The following HTR1F variants were observed in gnomAD, a reference collection of about 807,000 sequenced individuals.
HTR1F encodes 5-hydroxytryptamine receptor 1F.
Under a neutral mutation model 24.0 loss-of-function variants are expected in HTR1F, and 17 were observed. The observed-to-expected ratio is 0.71, with a 90% confidence interval of 0.48 to 1.06. The LOEUF is 1.06. Among genes scored for constraint, HTR1F ranks in the 50% least tolerant of loss-of-function variants. HTR1F has a pLI of 0.00. For synonymous variants in HTR1F, 186 were observed against 156.8 expected (o/e 1.19, Z -1.39); for missense variants, 391 against 427.8 (o/e 0.91, Z 0.76).
At chr3:87,853,503 CTATTGTTAA>C (rs1383127076) in intron 2 of HTR1F, among the ~76,000 whole-genome samples, 1 of 152,066 alleles carries the variant, frequency 6.6e-6, no homozygotes, top group Non-Finnish European at 1.5e-5. Context: ...CATGTCATTG[CTATTGTTAA>C]TAGTGCTGCA....
chr3:87,822,629 T>G (rs1461166074), intron 2 of HTR1F, among the ~76,000 whole-genome samples: 1 of 152,176 alleles, frequency 6.6e-6, no homozygotes, highest in Non-Finnish European at 1.5e-5. Flanking sequence ...GTTTCAGAGT[T>G]TATTTGAGGC....
intron 2 of HTR1F, among the ~76,000 whole-genome samples, chr3:87,844,062 C>T (rs1295741621): frequency 6.7e-6 from 1 of 148,816 alleles, no homozygotes; most frequent in Admixed American, 6.7e-5. Context: ...ATGGCTGGGT[C>T]AAATGGTATT....
At chr3:87,851,511 T>C (rs1403290663) in intron 2 of HTR1F, among the ~76,000 whole-genome samples, 2 of 151,862 alleles carry the variant, frequency 1.3e-5, no homozygotes, top group East Asian at 3.9e-4. Flanking sequence ...TGAAAATATA[T>C]TTATATGCAT....
At chr3:87,884,188 C>T (rs1705880368) in intron 2 of HTR1F, among the ~76,000 whole-genome samples, 1 of 152,134 alleles carries the variant, frequency 6.6e-6, no homozygotes, top group Non-Finnish European at 1.5e-5. Flanking sequence ...GGGGCCAATA[C>T]TCAACATTCT....
chr3:87,920,770 G>C (rs1013865581), intron 2 of HTR1F, among the ~76,000 whole-genome samples: 1 of 151,904 alleles, frequency 6.6e-6, no homozygotes, highest in African/African-American at 2.4e-5. Context: ...AAGAACTATT[G>C]AGTACTAGGC....
At chr3:87,846,574 G>A (rs1196279524) in intron 2 of HTR1F, among the ~76,000 whole-genome samples, 4 of 151,978 alleles carry the variant, frequency 2.6e-5, no homozygotes, top group Non-Finnish European at 5.9e-5. Flanking sequence ...CAGCTAGATA[G>A]CAACATAGTC....
chr3:87,845,454 G>T (rs1704919175), intron 2 of HTR1F, among the ~76,000 whole-genome samples: 1 of 148,872 alleles, frequency 6.7e-6, no homozygotes, highest in Non-Finnish European at 1.5e-5. Flanking sequence ...CAAACAGAGA[G>T]CCAAATCATG....
chr3:87,917,102 T>C (rs1465075823), intron 2 of HTR1F, among the ~76,000 whole-genome samples: 1 of 151,984 alleles, frequency 6.6e-6, no homozygotes, highest in Non-Finnish European at 1.5e-5. Context: ...AATAACCTAC[T>C]CCTTAATGAT....
rs199842041 is a variant in HTR1F, at chr3:87,846,110, T to TA, written c.-43+23993dup. On this transcript the variant is annotated intron_variant, in intron 2 of 2. Transcript: ENST00000319595. ...GTAGGGAAGAGAGTAAACAGATAAT[T>TA]AAAAAAACACATAGTTATATAAAAC... is the stretch of plus-strand genomic sequence containing the variant. Among the ~76,000 whole-genome samples the TA allele has an allele frequency of 9.8e-3, 1,479 of 151,618 alleles. 48 individuals are homozygous for TA. The highest frequency in any genetic ancestry group is 0.033 in the African/African-American group (1,359 of 41,136).
At chr3:87,904,209 A>C (rs533431985) in intron 2 of HTR1F, among the ~76,000 whole-genome samples, 18 of 152,278 alleles carry the variant, frequency 1.2e-4, no homozygotes, top group African/African-American at 4.3e-4. Context: ...AAAATTTAGG[A>C]GGCTGACAGT....
chr3:87,806,978 A>T (rs867326514), intron 1 of HTR1F, among the ~76,000 whole-genome samples: 44 of 151,944 alleles, frequency 2.9e-4, no homozygotes, highest in African/African-American at 1.1e-3. Context: ...ATTCGATTCC[A>T]CTGGTCTCTG....
chr3:87,909,438 T>C (rs1703730402), intron 2 of HTR1F, among the ~76,000 whole-genome samples: 1 of 152,024 alleles, frequency 6.6e-6, no homozygotes, highest in Non-Finnish European at 1.5e-5. Flanking sequence ...GCTCACGATA[T>C]GCTTCCTCTG....
intron 2 of HTR1F, among the ~76,000 whole-genome samples, chr3:87,980,436 G>T (rs1705515376): frequency 6.6e-6 from 1 of 152,178 alleles, no homozygotes; most frequent in Non-Finnish European, 1.5e-5. Flanking sequence ...TAAGTCCAGG[G>T]TTTTTATGGG....
chr3:87,927,468 A>C (rs909193607), intron 2 of HTR1F, among the ~76,000 whole-genome samples: 6 of 152,186 alleles, frequency 3.9e-5, no homozygotes, highest in African/African-American at 1.4e-4. Flanking sequence ...AATGTGTCTT[A>C]GAAAAATCAG....
At chr3:87,842,864 T>A (rs1704839251) in intron 2 of HTR1F, among the ~76,000 whole-genome samples, 1 of 151,886 alleles carries the variant, frequency 6.6e-6, no homozygotes. Context: ...ATCAAGTAAT[T>A]GTTAAAAGCT....
chr3:87,920,990 C>T (rs561609633), intron 2 of HTR1F, among the ~76,000 whole-genome samples: 37 of 152,146 alleles, frequency 2.4e-4, no homozygotes, highest in Admixed American at 2.1e-3. Context: ...ATCTTACTAT[C>T]TCACATATCC....
intron 1 of HTR1F, among the ~76,000 whole-genome samples, chr3:87,805,507 A>G (rs1282355102): frequency 2.0e-5 from 3 of 151,866 alleles, no homozygotes; most frequent in African/African-American, 7.3e-5. Flanking sequence ...TTTAAAATTG[A>G]TGTATAATAT....
intron 1 of HTR1F, among the ~76,000 whole-genome samples, chr3:87,821,186 G>C (rs1704353321): frequency 6.6e-6 from 1 of 152,120 alleles, no homozygotes; most frequent in South Asian, 2.1e-4. Flanking sequence ...TAGATTCTAA[G>C]ATCCATAAGT....
intron 2 of HTR1F, among the ~76,000 whole-genome samples, chr3:87,858,483 G>T (rs1004406854): frequency 2.6e-5 from 4 of 152,034 alleles, no homozygotes; most frequent in African/African-American, 9.7e-5. Flanking sequence ...CCTATCCATG[G>T]TTTACTTTTT....
Sources: gnomAD v4.1 joint callset for allele counts (sites outside exome capture counted in the v4.1 genomes callset) on GRCh38, gnomAD v4.1.1 for gene constraint, MANE v1.5 for transcripts, NCBI Gene and HGNC (gene_info 2026-07-23, HGNC 2026-07-21) for gene names.